AFAP1L1: variants seen among roughly 807,000 people sequenced by gnomAD.
AFAP1L1 encodes actin filament associated protein 1 like 1, also known as actin filament-associated protein 1-like 1.
In AFAP1L1, 77 loss-of-function variants were observed where a neutral mutation model predicts 99.8. The observed-to-expected ratio is 0.77, with a 90% CI of 0.64 to 0.93. The LOEUF is 0.93. Ranked by LOEUF, AFAP1L1 falls within the 40% of genes least tolerant of loss-of-function variation. The probability of loss-of-function intolerance (pLI) is 0.00; values close to 1 mark genes in which losing one functional copy is unlikely to be tolerated. For synonymous variants in AFAP1L1, 373 were observed against 395.3 expected, an observed-to-expected ratio of 0.94 and a Z score of 0.67; for missense variants, 893 against 996.8, an observed-to-expected ratio of 0.90 and a Z score of 1.40.
chr5:149,299,390 C>T, intron 1 of AFAP1L1, 119 bp from the exon 2 acceptor site: 1 of 1,379,594 alleles, frequency 7.2e-7, no homozygotes, highest in Middle Eastern at 2.6e-4. Context: ...GGTCCGCTTG[C>T]ACACCCGGAC....
In AFAP1L1 at chr5:149,272,049, T is replaced by G. The variant is rs1755128733; in HGVS notation, c.16+65T>G. 4 of 1,228,250 alleles carry G rather than the reference T, an allele frequency of 3.3e-6. No homozygotes were observed. The Admixed American group carries it at 1.3e-4, about 39-fold the overall frequency. 76.1% of individuals were successfully genotyped at this position (1,228,250 alleles called of 1,614,324 possible). On this transcript the variant is annotated intron_variant, in intron 1 of 18. Coordinates refer to ENST00000296721, the MANE Select transcript of AFAP1L1 (RefSeq NM_152406.4). The stretch of plus-strand genomic sequence containing the variant: ...GGCGGGAAAGGGAGACTGGACGATC[T>G]GAAGCCGGAGAGGAGGAGGGAGAGA...
At chr5:149,288,805 G>C (rs1755761202) in intron 1 of AFAP1L1, among the ~76,000 whole-genome samples, 1 of 152,190 alleles carries the variant, frequency 6.6e-6, no homozygotes, top group Non-Finnish European at 1.5e-5. Context: ...GAGGCCCAGA[G>C]CTGAGAAACA....
rs369538118 is a variant in AFAP1L1, at chr5:149,299,674, T to C, written c.145+37T>C. 44 of 1,612,754 alleles carry C rather than the reference T, an allele frequency of 2.7e-5. 1 individual carries two copies. Among genetic ancestry groups the C allele is most frequent in the Middle Eastern group, 3.3e-4 (2 of 6,080 alleles). ...GCAGCCTGCCTGGAGGAGCTCCACT[T>C]ATGTAGGACAACAAAACCTCCCTTC... On this transcript the variant is annotated intron_variant, in intron 2 of 18. Transcript: ENST00000296721.
chr5:149,337,315 A>G (rs1318344434), intron 18 of AFAP1L1, among the ~76,000 whole-genome samples: 1 of 152,204 alleles, frequency 6.6e-6, no homozygotes, highest in Non-Finnish European at 1.5e-5. Flanking sequence ...CACCACACAC[A>G]CACACACAAA....
At chr5:149,276,144 A>G (rs1315192459) in intron 1 of AFAP1L1, among the ~76,000 whole-genome samples, 1 of 152,178 alleles carries the variant, frequency 6.6e-6, no homozygotes, top group African/African-American at 2.4e-5. Context: ...CTAGATGCCA[A>G]ATCTTCCTGT....
rs757240110 is a variant in AFAP1L1 at position 149,312,178 on chromosome 5, C to T, written c.994C>T (p.Leu332Phe). The T allele has an allele frequency of 5.6e-6, 9 of 1,614,068 alleles. No homozygotes were observed. In the East Asian group the frequency reaches 2.0e-4, roughly 36 times the overall value. The change falls in exon 9 of 19, where the codon CTC (leucine) becomes TTC (phenylalanine). Residue 332 changes from leucine to phenylalanine, a missense_variant. Leu to Phe is a conservative substitution (Grantham distance 22). Transcript: ENST00000296721. ...EGVEVPRSPV[L>F]LCKLDLDKRL... ...AGTGGAGGTCCCCAGATCCCCAGTC[C>T]TCCTGTGCAAGTTGGACCTGGACAA...
chr5:149,335,381 G>A (rs1374406581), intron 17 of AFAP1L1, among the ~76,000 whole-genome samples: 1 of 152,172 alleles, frequency 6.6e-6, no homozygotes, highest in Non-Finnish European at 1.5e-5. Context: ...CCAGCTACTC[G>A]AGAGGCTGAG....
At chr5:149,291,281 C>T (rs1482375915) in intron 1 of AFAP1L1, among the ~76,000 whole-genome samples, 2 of 152,068 alleles carry the variant, frequency 1.3e-5, no homozygotes, top group African/African-American at 4.8e-5. Context: ...GTAATCCCAA[C>T]ACTTTGGGAG....
chr5:149,323,967 A>G (rs1757025639), intron 15 of AFAP1L1, among the ~76,000 whole-genome samples: 1 of 152,256 alleles, frequency 6.6e-6, no homozygotes, highest in Non-Finnish European at 1.5e-5. Flanking sequence ...ATCAAATCTT[A>G]TATGAAAGCC....
At position 149,341,530 on chromosome 5, in the gene AFAP1L1, A is replaced by G; in HGVS notation, c.*1500A>G. 6.6e-6 allele frequency: 1 copy of G among 152,228 alleles called. No individual in the cohort carries two copies. The highest frequency in any genetic ancestry group is 2.1e-4 in the South Asian group (1 of 4,836). The allele number at this position is 152,228 out of a possible 1,614,324, so 9.4% of individuals were successfully genotyped here. On this transcript the variant is annotated 3_prime_UTR_variant, in exon 19 of 19. Coordinates refer to ENST00000296721, the MANE Select transcript of AFAP1L1 (RefSeq NM_152406.4). Reference sequence around the variant, plus strand: ...CTTTTCTCCCAAGATTGTTGGGAAGATTTAATAAGATAATATATAGTAGGC... The same window carrying G: ...CTTTTCTCCCAAGATTGTTGGGAAGGTTTAATAAGATAATATATAGTAGGC...
chr5:149,297,806 C>G (rs1433076447), intron 1 of AFAP1L1, among the ~76,000 whole-genome samples: 1 of 152,234 alleles, frequency 6.6e-6, no homozygotes, highest in African/African-American at 2.4e-5. Flanking sequence ...CAGTCCACGC[C>G]TGCTAGAGCC....
At chr5:149,312,945 G>A (rs1424867717) in intron 9 of AFAP1L1, among the ~76,000 whole-genome samples, 11 of 151,834 alleles carry the variant, frequency 7.2e-5, no homozygotes, top group African/African-American at 2.4e-4. Context: ...TGACCAACAT[G>A]GAGAAACCCC....
intron 1 of AFAP1L1, among the ~76,000 whole-genome samples, chr5:149,279,702 G>A (rs1379755808): frequency 2.6e-5 from 4 of 152,136 alleles, no homozygotes; most frequent in Non-Finnish European, 4.4e-5. Flanking sequence ...TCTGCCCTCT[G>A]CACACTTTGC....
intron 14 of AFAP1L1, among the ~76,000 whole-genome samples, chr5:149,322,154 T>C (rs947061317): frequency 6.6e-6 from 1 of 152,252 alleles, no homozygotes; most frequent in Non-Finnish European, 1.5e-5. Context: ...ATTCTTAATA[T>C]TCTTCATGCA....
intron 16 of AFAP1L1, 57 bp downstream of exon 16, chr5:149,329,887 C>T (rs1731140805): frequency 1.4e-6 from 2 of 1,468,128 alleles, no homozygotes; most frequent in Non-Finnish European, 9.0e-7. Flanking sequence ...TCCTTGGGTA[C>T]AGTAAAGGGA....
chr5:149,325,795 G>A (rs1278048403), intron 15 of AFAP1L1, among the ~76,000 whole-genome samples: 1 of 152,190 alleles, frequency 6.6e-6, no homozygotes, highest in African/African-American at 2.4e-5. Flanking sequence ...CCTTCTTGCT[G>A]CATCATCACA....
intron 9 of AFAP1L1, among the ~76,000 whole-genome samples, chr5:149,314,753 T>C (rs1756746663): frequency 6.6e-6 from 1 of 152,218 alleles, no homozygotes; most frequent in Admixed American, 6.5e-5. Flanking sequence ...GCTATGCTTA[T>C]GGTGAAGCAT....
intron 6 of AFAP1L1, 103 bp from the exon 7 acceptor site, chr5:149,307,299 G>T: frequency 8.1e-7 from 1 of 1,234,468 alleles, no homozygotes. Context: ...TAATGCCCAT[G>T]CCTTCCTAGC....
rs113355090 is a variant in AFAP1L1 at position 149,316,262 on chromosome 5, A to T, written c.1226A>T (p.Asp409Val). Reference sequence around the variant, plus strand: ...TCCAAGAAGAAGACACTGGCCGATGACCTGCAGACGTCCTCCACCGAGGAG... The same window carrying T: ...TCCAAGAAGAAGACACTGGCCGATGTCCTGCAGACGTCCTCCACCGAGGAG... Reference protein sequence around the residue: ...GFSKKKTLADDLQTSSTEEEV... With the variant: ...GFSKKKTLADVLQTSSTEEEV... Residue 409 changes from aspartate (D) to valine (V), a missense_variant, in exon 11 of 19, where the codon GAC (aspartate) becomes GTC (valine). Transcript: ENST00000296721. The T allele has an allele frequency of 1.4e-3, 2,265 of 1,613,942 alleles. 26 individuals are homozygous for T. In the African/African-American group the frequency reaches 0.026, roughly 19 times the overall value.
Sources: gnomAD v4.1 joint callset for allele counts (sites outside exome capture counted in the v4.1 genomes callset) on GRCh38, gnomAD v4.1.1 for gene constraint, MANE v1.5 for transcripts, NCBI Gene and HGNC (gene_info 2026-07-23, HGNC 2026-07-21) for gene names.